Variants in TEAD1 observed in about 807,000 individuals in gnomAD.
TEAD1 encodes transcriptional enhancer factor TEF-1.
In TEAD1, 9 loss-of-function variants were observed where a neutral mutation model predicts 54.9. That is an observed-to-expected ratio of 0.16 (90% CI 0.10 to 0.29). The LOEUF (loss-of-function observed/expected upper bound fraction) is 0.29. Among genes scored for constraint, TEAD1 ranks in the 10% least tolerant of loss-of-function variants. The pLI is 1.00. For synonymous variants in TEAD1, 200 were observed against 187.8 expected (o/e 1.07, Z -0.53); for missense variants, 387 against 535.9 (o/e 0.72, Z 2.74).
chr11:12,914,310 A>T (rs1948671466), intron 10 of TEAD1, among the ~76,000 whole-genome samples: 1 of 152,176 alleles, frequency 6.6e-6, no homozygotes, highest in Non-Finnish European at 1.5e-5. Context: ...TGTTTTTAAA[A>T]ATCTTCTATT....
chr11:12,751,489 G>T (rs1035201053), intron 2 of TEAD1, among the ~76,000 whole-genome samples: 1 of 152,118 alleles, frequency 6.6e-6, no homozygotes, highest in African/African-American at 2.4e-5. Context: ...CCCAGTGGAG[G>T]GGCTTGAAGT....
chr11:12,774,140 G>A (rs1945369645), intron 3 of TEAD1, among the ~76,000 whole-genome samples: 1 of 152,190 alleles, frequency 6.6e-6, no homozygotes, highest in African/African-American at 2.4e-5. Flanking sequence ...ATGTAGGAGA[G>A]GAGGCAGGAC....
chr11:12,850,845 A>T (rs1287414598), intron 3 of TEAD1, among the ~76,000 whole-genome samples: 1 of 152,184 alleles, frequency 6.6e-6, no homozygotes, highest in Middle Eastern at 3.2e-3. Flanking sequence ...TTTTTGGACC[A>T]GGTCTCTATG....
At chr11:12,749,620 G>A (rs937588563) in intron 2 of TEAD1, among the ~76,000 whole-genome samples, 2 of 152,208 alleles carry the variant, frequency 1.3e-5, no homozygotes, top group Non-Finnish European at 2.9e-5. Context: ...GCAGGAGAAG[G>A]CGCAGGCCTG....
intron 3 of TEAD1, among the ~76,000 whole-genome samples, chr11:12,833,933 C>T (rs1489342672): frequency 6.6e-6 from 1 of 152,190 alleles, no homozygotes; most frequent in Non-Finnish European, 1.5e-5. Context: ...AGACCTTGAG[C>T]TTGCCTTGGG....
intron 10 of TEAD1, among the ~76,000 whole-genome samples, chr11:12,923,826 T>C (rs1039994445): frequency 2.6e-5 from 4 of 151,990 alleles, no homozygotes; most frequent in Non-Finnish European, 1.5e-5. Flanking sequence ...CCTAAACCCA[T>C]CCCAAAAGGC....
At chr11:12,675,239 C>T (rs922697079) in intron 1 of TEAD1, among the ~76,000 whole-genome samples, 170 bp from the exon 2 acceptor site, 2 of 151,840 alleles carry the variant, frequency 1.3e-5, no homozygotes, top group African/African-American at 2.4e-5. Flanking sequence ...GCAGAGCCGC[C>T]GCCTCGGAGC....
chr11:12,783,133 T>TGCGC (rs1554933039), intron 3 of TEAD1, among the ~76,000 whole-genome samples: 7 of 145,494 alleles, frequency 4.8e-5, no homozygotes, highest in Non-Finnish European at 8.9e-5. Flanking sequence ...TGTGTGTGTG[T>TGCGC]GCGCGCACTT....
intron 2 of TEAD1, among the ~76,000 whole-genome samples, chr11:12,692,504 C>T (rs1468911192): frequency 6.6e-6 from 1 of 152,076 alleles, no homozygotes; most frequent in Non-Finnish European, 1.5e-5. Flanking sequence ...TCACCCACCA[C>T]CCCGGCTTTT....
At chr11:12,780,495 C>T (rs4757923) in intron 3 of TEAD1, among the ~76,000 whole-genome samples, 6,268 of 152,096 alleles carry the variant, frequency 0.041, 448 homozygotes, top group African/African-American at 0.14. Flanking sequence ...GCGCCTGCCT[C>T]GGTCTCCCAA....
chr11:12,731,467 A>G (rs1564921309), intron 2 of TEAD1, among the ~76,000 whole-genome samples: 1 of 152,202 alleles, frequency 6.6e-6, no homozygotes, highest in Non-Finnish European at 1.5e-5. Context: ...TTAAAAAACT[A>G]AATTAACCAT....
intron 10 of TEAD1, chr11:12,904,927 A>G (rs1347097591): frequency 3.3e-6 from 1 of 305,698 alleles, no homozygotes; most frequent in Non-Finnish European, 6.5e-6. Context: ...ACTTGAGGTC[A>G]GGGTCAGGCT....
chr11:12,879,564 G>A (rs184999858), intron 5 of TEAD1, 144 bp from the exon 6 acceptor site: 7 of 957,080 alleles, frequency 7.3e-6, no homozygotes, highest in South Asian at 4.0e-5. Flanking sequence ...CCTTCTGGCT[G>A]TGTTATTTAT....
At position 12,939,995 on chromosome 11, in the gene TEAD1, C is replaced by G. The variant is rs1949144665; in HGVS notation, c.*2773C>G. The G allele has an allele frequency of 6.6e-6, 1 of 152,260 alleles. No individual in the cohort carries two copies. The highest frequency in any genetic ancestry group is 2.4e-5 in the African/African-American group (1 of 41,448). 9.4% of individuals were successfully genotyped at this position (152,260 alleles called of 1,614,324 possible). On this transcript the variant is annotated 3_prime_UTR_variant, in exon 13 of 13. Transcript: ENST00000527636. ...CCCAGAGCCCCGTCTTGCTTCTCTT[C>G]CAGGTGCTCTATCCCCTCGAGACCC...
intron 5 of TEAD1, among the ~76,000 whole-genome samples, chr11:12,877,676 AAATTAATGG>A (rs1947879518): frequency 6.6e-6 from 1 of 151,598 alleles, no homozygotes; most frequent in Non-Finnish European, 1.5e-5. Context: ...AAAAAAGAAG[AAATTAATGG>A]AAGTGTTAGG....
At chr11:12,852,802 A>G (rs1170282202) in intron 3 of TEAD1, among the ~76,000 whole-genome samples, 1 of 152,152 alleles carries the variant, frequency 6.6e-6, no homozygotes, top group Non-Finnish European at 1.5e-5. Flanking sequence ...TGTGAAAGAC[A>G]TGGACTGTAC....
chr11:12,771,184 A>G (rs749736689), intron 3 of TEAD1, among the ~76,000 whole-genome samples: 2 of 152,200 alleles, frequency 1.3e-5, no homozygotes, highest in Middle Eastern at 3.2e-3. Context: ...TAGAAATGAA[A>G]ATATCTCCTG....
chr11:12,850,830 A>G (rs1361675933), intron 3 of TEAD1, among the ~76,000 whole-genome samples: 3 of 152,334 alleles, frequency 2.0e-5, no homozygotes, highest in African/African-American at 7.2e-5. Flanking sequence ...TGTTAAGATT[A>G]GCTTTTTTTG....
At chr11:12,764,475 C>T in intron 3 of TEAD1, 41 bp downstream of exon 3, 1 of 1,590,044 alleles carries the variant, frequency 6.3e-7, no homozygotes, top group East Asian at 2.2e-5. Flanking sequence ...CTACAACCTG[C>T]AGTTGTGGTA....
Sources: allele counts gnomAD v4.1 joint callset (sites outside exome capture counted in the v4.1 genomes callset), GRCh38; gene constraint gnomAD v4.1.1; transcripts MANE v1.5; gene names NCBI Gene and HGNC (gene_info 2026-07-23, HGNC 2026-07-21).